The following TACR3 variants were observed in gnomAD, a reference collection of about 807,000 sequenced individuals.
TACR3 encodes the protein tachykinin receptor 3, also known as neuromedin-K receptor.
A neutral mutation model predicts 35.0 loss-of-function variants in TACR3; 34 were observed. The observed-to-expected ratio is 0.97, with a 90% CI of 0.74 to 1.30. The LOEUF is 1.30. Ranked by LOEUF, TACR3 falls within the 50% of genes most tolerant of loss-of-function variation. The pLI, the probability that TACR3 is intolerant of heterozygous loss-of-function variation, is 0.00. For missense variants in TACR3, 558 were observed against 591.7 expected (o/e 0.94, Z 0.59); for synonymous variants, 233 against 221.1 (o/e 1.05, Z -0.48).
intron 3 of TACR3, among the ~76,000 whole-genome samples, chr4:103,607,220 GC>G (rs1463813693): frequency 6.6e-6 from 1 of 152,068 alleles, no homozygotes; most frequent in African/African-American, 2.4e-5. Context: ...GTATTGTTAA[GC>G]ATGTTTTTGT....
intron 1 of TACR3, among the ~76,000 whole-genome samples, chr4:103,704,105 C>CAAAAAAAAAAAAAAAAAAA (rs59034473): frequency 9.3e-5 from 6 of 64,632 alleles, no homozygotes; most frequent in East Asian, 5.5e-4. Flanking sequence ...CTCTATCTCA[C>CAAAAAAAAAAAAAAAAAAA]AAAAAAAAAA....
At chr4:103,707,972 T>C (rs1261691027) in intron 1 of TACR3, among the ~76,000 whole-genome samples, 2 of 152,180 alleles carry the variant, frequency 1.3e-5, no homozygotes, top group Non-Finnish European at 2.9e-5. Context: ...CCGCCATTGC[T>C]AAGGCTTGAG....
At position 103,589,376 on chromosome 4, in the gene TACR3, A is replaced by G; in HGVS notation, c.*306T>C. ...TTTTAATGTCACAAATGTATATTGCAATTTGTAAATGAGATAGACTGGCGA... is the reference window on the plus strand; with the variant it reads ...TTTTAATGTCACAAATGTATATTGCGATTTGTAAATGAGATAGACTGGCGA... On this transcript the variant is annotated 3_prime_UTR_variant, in exon 5 of 5. Coordinates refer to ENST00000304883, the MANE Select transcript of TACR3 (RefSeq NM_001059.3). 3.3e-6 allele frequency: 1 copy of G among 305,082 alleles called. No homozygotes were observed. Among genetic ancestry groups the G allele is most frequent in the Non-Finnish European group, 6.2e-6 (1 of 160,622 alleles). 18.9% of individuals were successfully genotyped at this position (305,082 alleles called of 1,614,324 possible). A position where few individuals can be genotyped will look rare whatever the true frequency, so the allele number is the denominator to read the frequency against.
chr4:103,687,133 C>G (rs1348184602), intron 1 of TACR3, among the ~76,000 whole-genome samples: 1 of 152,002 alleles, frequency 6.6e-6, no homozygotes, highest in South Asian at 2.1e-4. Context: ...TAAACAGAAC[C>G]AAAGACAAAA....
chr4:103,677,327 A>G (rs1056429823), intron 1 of TACR3, among the ~76,000 whole-genome samples: 1 of 152,164 alleles, frequency 6.6e-6, no homozygotes, highest in Admixed American at 6.6e-5. Flanking sequence ...TAGAAGTGGA[A>G]ATACTATTCG....
chr4:103,702,359 T>C (rs558641623), intron 1 of TACR3, among the ~76,000 whole-genome samples: 2 of 152,270 alleles, frequency 1.3e-5, no homozygotes, highest in East Asian at 3.9e-4. Context: ...AGATACCATC[T>C]CACACCAGTT....
rs1227874134 is a variant in TACR3 at position 103,586,315 on chromosome 4, A to T, written c.*3367T>A. The T allele has an allele frequency of 6.6e-6, 1 of 151,888 alleles. No homozygotes were observed. The highest frequency in any genetic ancestry group is 6.6e-5 in the Admixed American group (1 of 15,186). 9.4% of individuals were successfully genotyped at this position (151,888 alleles called of 1,614,324 possible). On this transcript the variant is annotated 3_prime_UTR_variant, in exon 5 of 5. Transcript: ENST00000304883. ...CTTGGCCCTAAGGGAAATTATTCCA[A>T]CCTTATTGTTCTACATGGTCCATGT...
chr4:103,596,140 C>T (rs1419688884), intron 3 of TACR3, among the ~76,000 whole-genome samples: 2 of 147,608 alleles, frequency 1.4e-5, no homozygotes, highest in Non-Finnish European at 1.5e-5. Flanking sequence ...TTTCTTAATC[C>T]AGTCTATCAT....
chr4:103,675,830 C>T (rs1323270827), intron 1 of TACR3, among the ~76,000 whole-genome samples: 1 of 151,928 alleles, frequency 6.6e-6, no homozygotes, highest in Non-Finnish European at 1.5e-5. Flanking sequence ...TTGGTGCAAT[C>T]CACACAGGTA....
chr4:103,689,083 A>G (rs1170031007), intron 1 of TACR3, among the ~76,000 whole-genome samples: 1 of 151,858 alleles, frequency 6.6e-6, no homozygotes, highest in Admixed American at 6.6e-5. Flanking sequence ...AAAAATGATG[A>G]GTTCATGTCC....
At position 103,610,848 on chromosome 4, in the gene TACR3, A is replaced by G. The variant is rs139344816; in HGVS notation, c.889-19165T>C. 3.0e-3 allele frequency among the ~76,000 whole-genome samples: 453 copies of G among 152,282 alleles called. 1 individual carries two copies. Among genetic ancestry groups the G allele is most frequent in the Non-Finnish European group, 4.5e-3 (306 of 68,004 alleles). Reference sequence around the variant, plus strand: ...TCTAGTTCCATCCATCTGCATATGCATAACCAGTTTTCCTAGCCCCATTTA... The same window carrying G: ...TCTAGTTCCATCCATCTGCATATGCGTAACCAGTTTTCCTAGCCCCATTTA... On this transcript the variant is annotated intron_variant, in intron 3 of 4. Transcript: ENST00000304883.
chr4:103,711,714 G>C (rs916591372), intron 1 of TACR3, among the ~76,000 whole-genome samples: 4 of 152,162 alleles, frequency 2.6e-5, no homozygotes, highest in Admixed American at 6.5e-5. Flanking sequence ...GTCCCTGTTT[G>C]CAGATGACAT....
At chr4:103,619,670 C>T (rs1724734876) in intron 3 of TACR3, among the ~76,000 whole-genome samples, 1 of 144,032 alleles carries the variant, frequency 6.9e-6, no homozygotes, top group Non-Finnish European at 1.6e-5. Context: ...ACAGATGGCT[C>T]TTATTATTTT....
At chr4:103,650,669 AATATATATTATATC>A (rs1292269317) in intron 3 of TACR3, among the ~76,000 whole-genome samples, 1 of 20,320 alleles carries the variant, frequency 4.9e-5, no homozygotes, top group Non-Finnish European at 6.9e-5. Flanking sequence ...TATATAAATA[AATATATATTATATC>A]ATATATAATA....
intron 1 of TACR3, among the ~76,000 whole-genome samples, chr4:103,703,484 C>A (rs1440217751): frequency 6.6e-6 from 1 of 152,134 alleles, no homozygotes; most frequent in African/African-American, 2.4e-5. Flanking sequence ...CACCTCATGG[C>A]ACATATAAAA....
intron 1 of TACR3, among the ~76,000 whole-genome samples, chr4:103,683,151 T>G (rs952459698): frequency 6.6e-6 from 1 of 152,052 alleles, no homozygotes; most frequent in Admixed American, 6.6e-5. Context: ...GAAAATATTT[T>G]GAACAGAATG....
chr4:103,704,043 G>A (rs1234405154), intron 1 of TACR3, among the ~76,000 whole-genome samples: 1 of 134,904 alleles, frequency 7.4e-6, no homozygotes, highest in East Asian at 2.5e-4. Context: ...GGCGGAGCTT[G>A]CAGTGAGCCG....
chr4:103,715,884 A>AAT (rs902691054), intron 1 of TACR3, among the ~76,000 whole-genome samples: 19 of 151,978 alleles, frequency 1.3e-4, no homozygotes, highest in African/African-American at 1.9e-4. Context: ...TAAAACATAG[A>AAT]ATATATATAT....
chr4:103,623,407 T>C (rs948676588), intron 3 of TACR3, among the ~76,000 whole-genome samples: 1 of 152,142 alleles, frequency 6.6e-6, no homozygotes, highest in African/African-American at 2.4e-5. Context: ...AACAACTTCA[T>C]ATGCTGGAAA....
Sources: allele counts gnomAD v4.1 joint callset (sites outside exome capture counted in the v4.1 genomes callset), GRCh38; gene constraint gnomAD v4.1.1; transcripts MANE v1.5; gene names NCBI Gene and HGNC (gene_info 2026-07-23, HGNC 2026-07-21).